NALF1: variants seen among roughly 807,000 people sequenced by gnomAD.
The protein encoded by NALF1 is family with sequence similarity 155 member A.
A neutral mutation model predicts 48.4 loss-of-function variants in NALF1; 3 were observed. The ratio of observed to expected loss-of-function variants is 0.06; its 90% CI spans 0.03 to 0.16. The LOEUF is 0.16. NALF1 is among the 10% of genes least tolerant of loss of function. The pLI is 1.00. For missense variants in NALF1, 526 were observed against 571.5 expected (o/e 0.92, Z 0.81); for synonymous variants, 262 against 245.7 (o/e 1.07, Z -0.62).
chr13:107,841,823 T>C (rs1233798806), intron 1 of NALF1, among the ~76,000 whole-genome samples: 2 of 152,120 alleles, frequency 1.3e-5, no homozygotes, highest in African/African-American at 4.8e-5. Flanking sequence ...TCCTGCATAC[T>C]TGAAGTATCA....
At chr13:107,523,357 AT>A (rs1397362554) in intron 1 of NALF1, among the ~76,000 whole-genome samples, 1 of 152,076 alleles carries the variant, frequency 6.6e-6, no homozygotes, top group Non-Finnish European at 1.5e-5. Context: ...CCACTGCACA[AT>A]AAGAAATTTT....
At chr13:107,506,657 T>G (rs1177031216) in intron 1 of NALF1, among the ~76,000 whole-genome samples, 2 of 152,188 alleles carry the variant, frequency 1.3e-5, no homozygotes, top group African/African-American at 4.8e-5. Context: ...AGTGAATGAC[T>G]TATTTCATTT....
intron 1 of NALF1, among the ~76,000 whole-genome samples, chr13:107,259,480 T>C (rs1880887191): frequency 6.6e-6 from 1 of 152,178 alleles, no homozygotes; most frequent in African/African-American, 2.4e-5. Flanking sequence ...CCTGCTATCA[T>C]GCCCACAGGA....
chr13:107,356,129 G>A (rs921579275), intron 1 of NALF1, among the ~76,000 whole-genome samples: 11 of 152,276 alleles, frequency 7.2e-5, no homozygotes, highest in African/African-American at 2.6e-4. Context: ...TACAGGTACA[G>A]TTAGCAGAGT....
At chr13:107,384,646 C>A (rs1425029829) in intron 1 of NALF1, among the ~76,000 whole-genome samples, 5 of 151,924 alleles carry the variant, frequency 3.3e-5, no homozygotes, top group Admixed American at 6.6e-5. Context: ...TCTAATCAGG[C>A]ACAGATAACA....
At chr13:107,474,474 G>A (rs984110384) in intron 1 of NALF1, among the ~76,000 whole-genome samples, 3 of 152,086 alleles carry the variant, frequency 2.0e-5, no homozygotes, top group Non-Finnish European at 4.4e-5. Context: ...TACTCGTATG[G>A]TTTACTAGAA....
intron 1 of NALF1, among the ~76,000 whole-genome samples, chr13:107,292,086 T>A (rs1010648264): frequency 1.3e-5 from 2 of 152,240 alleles, no homozygotes; most frequent in Non-Finnish European, 2.9e-5. Context: ...CCCTACTACA[T>A]TCCCAGGCTA....
intron 1 of NALF1, among the ~76,000 whole-genome samples, chr13:107,384,523 A>C (rs7334074): frequency 0.9 from 136,671 of 152,116 alleles, 61,426 homozygotes; most frequent in East Asian, 1. Flanking sequence ...TTGCTTTTAT[A>C]CATATAATTT....
chr13:107,557,607 G>A (rs754497335), intron 1 of NALF1, among the ~76,000 whole-genome samples: 12 of 152,112 alleles, frequency 7.9e-5, no homozygotes, highest in Admixed American at 1.3e-4. Context: ...ACTGATAATG[G>A]TCATTTCTCT....
chr13:107,264,806 G>A (rs1343742874), intron 1 of NALF1, among the ~76,000 whole-genome samples: 2 of 152,162 alleles, frequency 1.3e-5, no homozygotes, highest in Non-Finnish European at 2.9e-5. Context: ...TTGGATTGAT[G>A]ATGTTTTAGA....
At chr13:107,582,775 G>A (rs537718573) in intron 1 of NALF1, among the ~76,000 whole-genome samples, 99 of 152,186 alleles carry the variant, frequency 6.5e-4, no homozygotes, top group African/African-American at 2.3e-3. Flanking sequence ...AGAATAATAC[G>A]TTCATTATGA....
At chr13:107,317,100 C>T (rs1882165020) in intron 1 of NALF1, among the ~76,000 whole-genome samples, 2 of 152,062 alleles carry the variant, frequency 1.3e-5, no homozygotes, top group Admixed American at 1.3e-4. Context: ...GTAACCAAGA[C>T]TATAATTCTG....
chr13:107,195,930 G>C (rs1407785963), intron 2 of NALF1, among the ~76,000 whole-genome samples: 1 of 152,120 alleles, frequency 6.6e-6, no homozygotes, highest in African/African-American at 2.4e-5. Context: ...GCTAGATGAA[G>C]AAAACGTGGT....
At chr13:107,211,478 T>A (rs1053838528) in intron 1 of NALF1, among the ~76,000 whole-genome samples, 1 of 152,258 alleles carries the variant, frequency 6.6e-6, no homozygotes, top group Admixed American at 6.5e-5. Flanking sequence ...ATTTATGTAA[T>A]TTCATCAAAT....
intron 1 of NALF1, among the ~76,000 whole-genome samples, chr13:107,789,388 C>T (rs1292176718): frequency 2.0e-5 from 3 of 152,162 alleles, no homozygotes; most frequent in African/African-American, 4.8e-5. Flanking sequence ...GTATGAATGT[C>T]GTCAGGCAAT....
At chr13:107,490,433 G>T (rs984230035) in intron 1 of NALF1, among the ~76,000 whole-genome samples, 8 of 152,132 alleles carry the variant, frequency 5.3e-5, no homozygotes, top group Non-Finnish European at 1.2e-4. Flanking sequence ...GGAGCTGGAG[G>T]CCATTATCCT....
chr13:107,649,462 T>C (rs547241440), intron 1 of NALF1, among the ~76,000 whole-genome samples: 21 of 152,228 alleles, frequency 1.4e-4, no homozygotes, highest in Non-Finnish European at 3.1e-4. Flanking sequence ...TTATATTTTA[T>C]TTTGTTTAAA....
intron 1 of NALF1, among the ~76,000 whole-genome samples, chr13:107,426,470 C>T (rs997279562): frequency 2.6e-5 from 4 of 152,160 alleles, no homozygotes; most frequent in African/African-American, 9.6e-5. Context: ...CTGTTAGAGG[C>T]CGTGAGATTT....
intron 1 of NALF1, among the ~76,000 whole-genome samples, chr13:107,332,653 TA>T (rs1437521358): frequency 6.6e-6 from 1 of 152,176 alleles, no homozygotes; most frequent in African/African-American, 2.4e-5. Flanking sequence ...ACAATTTAAA[TA>T]AAAAAGTAAA....
Sources: allele counts gnomAD v4.1 joint callset (sites outside exome capture counted in the v4.1 genomes callset), GRCh38; gene constraint gnomAD v4.1.1; transcripts MANE v1.5; gene names NCBI Gene and HGNC (gene_info 2026-07-23, HGNC 2026-07-21).